The following PTGER4 variants were observed in gnomAD, a reference collection of about 807,000 sequenced individuals.
PTGER4 encodes prostaglandin E receptor 4, also known as prostaglandin E2 receptor EP4 subtype.
A neutral mutation model predicts 33.2 loss-of-function variants in PTGER4; 11 were observed. The ratio of observed to expected loss-of-function variants is 0.33; its 90% confidence interval spans 0.21 to 0.55. The LOEUF is 0.55. Among genes scored for constraint, PTGER4 ranks in the 20% least tolerant of loss-of-function variants. The pLI is 0.92. For synonymous variants in PTGER4, 275 were observed against 281.5 expected (o/e 0.98, Z 0.23); for missense variants, 481 against 650.2 (o/e 0.74, Z 2.83).
intron 2 of PTGER4, chr5:40,685,479 T>C: frequency 1.5e-5 from 15 of 984,662 alleles, no homozygotes; most frequent in Non-Finnish European, 1.8e-5. Context: ...ATGCCACAAA[T>C]TTGGGTATGA....
chr5:40,691,649 T>C lies in PTGER4; in HGVS notation c.868-130T>C. 5 of 1,289,490 alleles carry C rather than the reference T, an allele frequency of 3.9e-6. No homozygotes were observed. Among genetic ancestry groups the C allele is most frequent in the Non-Finnish European group, 5.3e-6 (5 of 944,806 alleles). 79.9% of individuals were successfully genotyped at this position (1,289,490 alleles called of 1,614,324 possible). A position where few individuals can be genotyped will look rare whatever the true frequency, so the allele number is the denominator to read the frequency against. ...GTTTTTCTGAGGCTTATTATGTAGC[T>C]TCCTCTTTTCCTGGAACTTGTTACC... is the stretch of plus-strand genomic sequence containing the variant. On this transcript the variant is annotated intron_variant, in intron 2 of 2. Transcript: ENST00000302472. This position sits in a 1 kb window ranked among gnomAD's most constrained non-coding sequence, Gnocchi z 4.2.
chr5:40,745,300 A>T, the PTGER4 span, among the ~76,000 whole-genome samples: 1 of 111,296 alleles, frequency 9.0e-6, no homozygotes, highest in Non-Finnish European at 1.9e-5. Flanking sequence ...GATAAAAGAT[A>T]TGTTAGGTAA....
the PTGER4 span, among the ~76,000 whole-genome samples, chr5:40,722,541 G>A: frequency 6.7e-6 from 1 of 149,256 alleles, no homozygotes; most frequent in Non-Finnish European, 1.5e-5. Context: ...TGTGAGGAGC[G>A]CCTCTGCCTG....
the PTGER4 span, among the ~76,000 whole-genome samples, chr5:40,708,070 G>A: frequency 6.6e-6 from 1 of 152,100 alleles, no homozygotes; most frequent in African/African-American, 2.4e-5. Flanking sequence ...ATGCCCAAAA[G>A]AGAAAGCAGG....
rs1741159177 is a variant in PTGER4 at position 40,680,609 on chromosome 5, T to C, written c.-44+131T>C. 5.7e-6 allele frequency: 1 copy of C among 174,294 alleles called. No homozygotes were observed. The highest frequency in any genetic ancestry group is 1.6e-4 in the East Asian group (1 of 6,314). 10.8% of individuals were successfully genotyped at this position (174,294 alleles called of 1,614,324 possible). ...TTTGTAACTTGTTTTCAGTGAGCAT[T>C]TTATTGATTCAGAATCTATCGAGAA... On this transcript the variant is annotated intron_variant, in intron 1 of 2. Coordinates refer to ENST00000302472, the MANE Select transcript of PTGER4 (RefSeq NM_000958.3). This position sits in a 1 kb window ranked among gnomAD's most constrained non-coding sequence, Gnocchi z 5.5.
At chr5:40,703,902 C>CAAAAAAAAAAAAAAAAAAAAAA in the PTGER4 span, among the ~76,000 whole-genome samples, 1 of 37,264 alleles carries the variant, frequency 2.7e-5, no homozygotes, top group Non-Finnish European at 4.8e-5. Context: ...GACGCCGTCT[C>CAAAAAAAAAAAAAAAAAAAAAA]AAAAAAAAAA....
downstream of PTGER4, among the ~76,000 whole-genome samples, chr5:40,697,514 G>A (rs1212138327): frequency 1.1e-4 from 16 of 151,066 alleles, no homozygotes; most frequent in Non-Finnish European, 2.9e-5. Flanking sequence ...GAACCCCGGA[G>A]GCGGAGGTTG....
chr5:40,739,374 C>A, the PTGER4 span, among the ~76,000 whole-genome samples: 1 of 152,134 alleles, frequency 6.6e-6, no homozygotes, highest in Non-Finnish European at 1.5e-5. Context: ...ATACTATCTT[C>A]CAATCTATGA....
chr5:40,703,408 C>T, the PTGER4 span, among the ~76,000 whole-genome samples: 2 of 152,122 alleles, frequency 1.3e-5, no homozygotes, highest in African/African-American at 4.8e-5. Context: ...TGGATAAATT[C>T]CTGGACACAT....
the PTGER4 span, among the ~76,000 whole-genome samples, chr5:40,717,839 G>C: frequency 6.6e-6 from 1 of 151,954 alleles, no homozygotes; most frequent in Non-Finnish European, 1.5e-5. Context: ...CAAGGCAGGC[G>C]GATCACCTGA....
downstream of PTGER4, among the ~76,000 whole-genome samples, chr5:40,697,905 G>A (rs1038877799): frequency 6.6e-6 from 1 of 151,656 alleles, no homozygotes; most frequent in Non-Finnish European, 1.5e-5. Context: ...AGACAGGATT[G>A]CTTGCACAAA....
downstream of PTGER4, among the ~76,000 whole-genome samples, chr5:40,697,702 C>T (rs1741647341): frequency 6.9e-6 from 1 of 145,198 alleles, no homozygotes; most frequent in African/African-American, 2.6e-5. Flanking sequence ...TAAAAATATA[C>T]ATAGGAAACT....
chr5:40,686,483 C>T (rs148417528), intron 2 of PTGER4, among the ~76,000 whole-genome samples: 10 of 152,342 alleles, frequency 6.6e-5, no homozygotes, highest in Admixed American at 1.3e-4. Context: ...TGAGAGCCAA[C>T]ATATCTGTTA....
chr5:40,743,939 G>A, the PTGER4 span, among the ~76,000 whole-genome samples: 3 of 152,134 alleles, frequency 2.0e-5, no homozygotes, highest in African/African-American at 7.2e-5. Flanking sequence ...CGACATACAG[G>A]CAGAAAACAA....
the PTGER4 span, among the ~76,000 whole-genome samples, chr5:40,699,249 G>T: frequency 6.6e-6 from 1 of 150,394 alleles, no homozygotes; most frequent in East Asian, 1.9e-4. Flanking sequence ...AAAAGACATA[G>T]CAATAGATTC....
At chr5:40,733,107 T>C in the PTGER4 span, among the ~76,000 whole-genome samples, 1 of 152,184 alleles carries the variant, frequency 6.6e-6, no homozygotes, top group African/African-American at 2.4e-5. Context: ...GTTCCGTTCA[T>C]TATTTCATAT....
chr5:40,729,950 C>A, the PTGER4 span, among the ~76,000 whole-genome samples: 52 of 152,312 alleles, frequency 3.4e-4, no homozygotes, highest in South Asian at 0.011. Flanking sequence ...CCACCCACCT[C>A]GGCCTCCCAA....
the PTGER4 span, chr5:40,715,730 A>G: frequency 6.4e-6 from 1 of 155,718 alleles, no homozygotes; most frequent in Non-Finnish European, 1.4e-5. Flanking sequence ...AAGACAGCAA[A>G]TATTAAGCGC....
the PTGER4 span, among the ~76,000 whole-genome samples, chr5:40,745,979 T>A: frequency 6.6e-6 from 1 of 152,154 alleles, no homozygotes; most frequent in African/African-American, 2.4e-5. Context: ...AGAGATACCA[T>A]TCTATATTTT....
Sources: gnomAD v4.1 joint callset for allele counts (sites outside exome capture counted in the v4.1 genomes callset) on GRCh38, gnomAD v4.1.1 for gene constraint, Gnocchi (gnomAD v3.1) non-coding constraint, MANE v1.5 for transcripts, NCBI Gene and HGNC (gene_info 2026-07-23, HGNC 2026-07-21) for gene names.